The following LAMA2 variants were observed in gnomAD, a reference collection of about 807,000 sequenced individuals.
LAMA2 encodes the protein laminin subunit alpha 2.
In LAMA2, 269 loss-of-function variants were observed where a neutral mutation model predicts 364.8. The ratio of observed to expected loss-of-function variants is 0.74; its 90% CI spans 0.67 to 0.82. The LOEUF is 0.82. Ranked by LOEUF, LAMA2 falls within the 40% of genes least tolerant of loss-of-function variation. The pLI is 0.00. For missense variants in LAMA2, 3,807 were observed against 3,873.2 expected, an observed-to-expected ratio of 0.98 and a Z score of 0.45; for synonymous variants, 1,379 against 1,370.6, an observed-to-expected ratio of 1.01 and a Z score of -0.14.
At chr6:128,975,953 A>G (rs145869584) in intron 1 of LAMA2, among the ~76,000 whole-genome samples, 150 of 152,334 alleles carry the variant, frequency 9.8e-4, no homozygotes, top group African/African-American at 3.5e-3. Context: ...CAAGAAGCAG[A>G]TCATGAAACG....
At chr6:128,911,509 G>C (rs901686811) in intron 1 of LAMA2, among the ~76,000 whole-genome samples, 2 of 152,050 alleles carry the variant, frequency 1.3e-5, no homozygotes, top group Non-Finnish European at 1.5e-5. Context: ...CGCACGGTGC[G>C]CGCACCCACT....
At chr6:129,218,063 G>A (rs1022185881) in intron 12 of LAMA2, among the ~76,000 whole-genome samples, 1 of 152,088 alleles carries the variant, frequency 6.6e-6, no homozygotes, top group Non-Finnish European at 1.5e-5. Flanking sequence ...TATCTGTAAT[G>A]AATCAAAACT....
At chr6:128,940,166 C>T (rs1780066987) in intron 1 of LAMA2, among the ~76,000 whole-genome samples, 1 of 152,056 alleles carries the variant, frequency 6.6e-6, no homozygotes, top group African/African-American at 2.4e-5. Flanking sequence ...GCCCTCATCA[C>T]TGAGTCTTCC....
chr6:128,907,824 A>T (rs1777598263), intron 1 of LAMA2, among the ~76,000 whole-genome samples: 1 of 152,146 alleles, frequency 6.6e-6, no homozygotes, highest in Non-Finnish European at 1.5e-5. Context: ...TACCTAATTT[A>T]TTGAGAGTTT....
chr6:129,315,084 G>A (rs1302185830), intron 24 of LAMA2, among the ~76,000 whole-genome samples: 1 of 152,104 alleles, frequency 6.6e-6, no homozygotes, highest in African/African-American at 2.4e-5. Flanking sequence ...GAAGAGTGAG[G>A]GCACCAGAGC....
intron 51 of LAMA2, among the ~76,000 whole-genome samples, chr6:129,472,526 C>T (rs1163690005): frequency 6.6e-6 from 1 of 151,884 alleles, no homozygotes; most frequent in Non-Finnish European, 1.5e-5. Context: ...CAGAGAAGTG[C>T]CTCATCTTTC....
rs544932641 is a variant in LAMA2 at position 129,219,007 on chromosome 6, A to G, written c.1782+26154A>G. Among the ~76,000 whole-genome samples the G allele has an allele frequency of 1.3e-3, 197 of 152,248 alleles. 1 individual carries two copies. Among genetic ancestry groups the G allele is most frequent in the African/African-American group, 4.5e-3 (189 of 41,548 alleles). On this transcript the variant is annotated intron_variant, in intron 12 of 64. Transcript: ENST00000421865. ...TTTTATTCCTTAAAGAATATCTGAC[A>G]ATTTGCTGGTTTGTATAAGTTTGAG...
At chr6:129,043,668 C>A (rs1346353247) in intron 1 of LAMA2, among the ~76,000 whole-genome samples, 7 of 151,998 alleles carry the variant, frequency 4.6e-5, no homozygotes, top group Non-Finnish European at 1.0e-4. Flanking sequence ...TTTATTGCTT[C>A]CTTGTATGTC....
chr6:129,005,349 A>G (rs1784382074), intron 1 of LAMA2, among the ~76,000 whole-genome samples: 1 of 151,878 alleles, frequency 6.6e-6, no homozygotes. Context: ...AGGATGGATA[A>G]TGATTGCAGC....
chr6:129,279,910 G>A, intron 17 of LAMA2, 151 bp from the exon 18 acceptor site: 1 of 711,450 alleles, frequency 1.4e-6, no homozygotes. Flanking sequence ...TCCTCCATTG[G>A]CCAGACCCTA....
intron 8 of LAMA2, chr6:129,158,825 C>A: frequency 1.2e-6 from 2 of 1,614,004 alleles, no homozygotes; most frequent in South Asian, 2.2e-5. Context: ...TTTCATACAC[C>A]CTGAAGCTAA....
At chr6:129,271,589 C>T (rs1427293438) in intron 17 of LAMA2, among the ~76,000 whole-genome samples, 2 of 150,802 alleles carry the variant, frequency 1.3e-5, no homozygotes, top group Non-Finnish European at 2.9e-5. Flanking sequence ...CCTGCCTCAG[C>T]TGGACTACAG....
chr6:128,905,791 C>G (rs182720824), intron 1 of LAMA2, among the ~76,000 whole-genome samples: 20 of 151,340 alleles, frequency 1.3e-4, no homozygotes, highest in Middle Eastern at 3.4e-3. Context: ...CCACTCCCCC[C>G]ACCCCACAAC....
intron 12 of LAMA2, among the ~76,000 whole-genome samples, chr6:129,219,855 C>T (rs1337496310): frequency 6.9e-6 from 1 of 144,432 alleles, no homozygotes; most frequent in Non-Finnish European, 1.5e-5. Flanking sequence ...GGAGAGATAG[C>T]ATTAGGAGAT....
intron 9 of LAMA2, among the ~76,000 whole-genome samples, chr6:129,167,736 C>T (rs1415400547): frequency 6.6e-6 from 1 of 152,186 alleles, no homozygotes; most frequent in Non-Finnish European, 1.5e-5. Context: ...GGAATGGCCA[C>T]ACTGACTTCC....
intron 40 of LAMA2, among the ~76,000 whole-genome samples, chr6:129,420,071 A>G (rs1375034900): frequency 6.6e-6 from 1 of 152,112 alleles, no homozygotes; most frequent in Non-Finnish European, 1.5e-5. Flanking sequence ...AAAATATAAA[A>G]TGTGCATACG....
intron 44 of LAMA2, among the ~76,000 whole-genome samples, chr6:129,444,105 G>A (rs760202090): frequency 3.9e-5 from 6 of 152,190 alleles, no homozygotes; most frequent in Middle Eastern, 3.4e-3. Context: ...TCTAAAAGAG[G>A]TATCACTAGA....
chr6:129,319,215 G>C (rs1353059617), intron 27 of LAMA2, among the ~76,000 whole-genome samples: 1 of 152,118 alleles, frequency 6.6e-6, no homozygotes, highest in Non-Finnish European at 1.5e-5. Context: ...AGAGCATTGG[G>C]AAGAAGAAAT....
chr6:129,222,781 T>C lies in LAMA2; in HGVS notation c.1783-27331T>C, dbSNP rs191661001. Among the ~76,000 whole-genome samples the C allele has an allele frequency of 4.8e-3, 737 of 152,256 alleles. 9 individuals are homozygous for C. The highest frequency in any genetic ancestry group is 0.017 in the African/African-American group (691 of 41,532). ...GGTTGGTTCCAAGTCTTTGCTATTA[T>C]GAATAGTGCCGCAATAAACATACAT... On this transcript the variant is annotated intron_variant, in intron 12 of 64. Coordinates refer to ENST00000421865, the MANE Select transcript of LAMA2 (RefSeq NM_000426.4).
Sources: gnomAD v4.1 joint callset for allele counts (sites outside exome capture counted in the v4.1 genomes callset) on GRCh38, gnomAD v4.1.1 for gene constraint, MANE v1.5 for transcripts, NCBI Gene and HGNC (gene_info 2026-07-23, HGNC 2026-07-21) for gene names.